POLR3GL: variants seen among roughly 807,000 people sequenced by gnomAD.
POLR3GL encodes the protein DNA-directed RNA polymerase III subunit RPC7-like.
A neutral mutation model predicts 32.4 loss-of-function variants in POLR3GL; 26 were observed. The ratio of observed to expected loss-of-function variants is 0.80; its 90% CI spans 0.59 to 1.11. The LOEUF is 1.11. Among genes scored for constraint, POLR3GL ranks in the 50% most tolerant of loss-of-function variants. POLR3GL has a pLI of 0.00. For missense variants in POLR3GL, 229 were observed against 280.1 expected (o/e 0.82, Z 1.30); for synonymous variants, 95 against 98.7 (o/e 0.96, Z 0.22).
At chr1:145,975,045 A>G (rs782393943) in intron 2 of POLR3GL, 54 bp downstream of exon 2, 1 of 1,496,654 alleles carries the variant, frequency 6.7e-7, no homozygotes, top group Non-Finnish European at 8.9e-7. Flanking sequence ...CTGACTGTAC[A>G]TGATTCTGAA....
In POLR3GL at chr1:145,972,008, A is replaced by ACG. The variant is rs1246966441; in HGVS notation, c.-41-2817_-41-2816insCG. On this transcript the variant is annotated intron_variant, in intron 1 of 7. Transcript: ENST00000369314. The stretch of plus-strand genomic sequence containing the variant: ...AAAAAAAATATATATATATATATAT[A>ACG]TATACGTGTGTGTGTGTGTGTGTAT... 4.3e-4 allele frequency among the ~76,000 whole-genome samples: 56 copies of ACG among 130,354 alleles called. 1 individual carries two copies. The highest frequency in any genetic ancestry group is 1.7e-3 in the African/African-American group (50 of 30,088). 85.5% of individuals were successfully genotyped at this position (130,354 alleles called of 152,430 possible).
At position 145,974,968 on chromosome 1, in the gene POLR3GL, C is replaced by T. The variant is rs781952230; in HGVS notation, c.103C>T (p.Leu35=). 1.1e-5 allele frequency: 17 copies of T among 1,520,938 alleles called. No individual in the cohort carries two copies. In the Admixed American group the frequency reaches 1.5e-4, roughly 13 times the overall value. 94.2% of individuals were successfully genotyped at this position (1,520,938 alleles called of 1,614,324 possible). A position where few individuals can be genotyped will look rare whatever the true frequency, so the allele number is the denominator to read the frequency against. Residue 35 remains leucine (L), a synonymous_variant, in exon 2 of 8, where the codon CTG becomes TTG. Transcript: ENST00000369314. ...GKGDALPPPT[L]QPSPLFPPLE... ...AGGGGATGCTTTGCCCCCACCCACCCTGCAGCCTTCTCCACTCTTCCCTGT... is the reference window on the plus strand; with the variant it reads ...AGGGGATGCTTTGCCCCCACCCACCTTGCAGCCTTCTCCACTCTTCCCTGT...
In POLR3GL at chr1:145,978,612, C is replaced by G; in HGVS notation, c.*165C>G. The G allele has an allele frequency of 1.6e-6, 1 of 634,174 alleles. No homozygotes were observed. Among genetic ancestry groups the G allele is most frequent in the East Asian group, 2.6e-5 (1 of 38,280 alleles). The allele number at this position is 634,174 out of a possible 1,614,324, so 39.3% of individuals were successfully genotyped here. On this transcript the variant is annotated 3_prime_UTR_variant, in exon 8 of 8. Coordinates refer to ENST00000369314, the MANE Select transcript of POLR3GL (RefSeq NM_032305.3). ...TGACAGTTTATTTTCTACACTTCCC[C>G]TCCTTCCACATTTGTATCACCTTTG...
At chr1:145,970,944 G>T (rs1350537740) in intron 1 of POLR3GL, among the ~76,000 whole-genome samples, 1 of 141,362 alleles carries the variant, frequency 7.1e-6, no homozygotes, top group African/African-American at 2.6e-5. Context: ...CTAGCACTTT[G>T]GGAGGCCGAG....
At position 145,972,755 on chromosome 1, in the gene POLR3GL, A is replaced by T. The variant is rs587751644; in HGVS notation, c.-41-2070A>T. ...TACTCTGCCACCCAGGTTGGAGTGC[A>T]AGTGGTGCAATCATAACATTGCAGC... is the stretch of plus-strand genomic sequence containing the variant. On this transcript the variant is annotated intron_variant, in intron 1 of 7. Coordinates refer to ENST00000369314, the MANE Select transcript of POLR3GL (RefSeq NM_032305.3). Among the ~76,000 whole-genome samples, 26 of 151,982 alleles carry T rather than the reference A, an allele frequency of 1.7e-4. No individual in the cohort carries two copies. The South Asian group carries it at 5.4e-3, about 32-fold the overall frequency.
At position 145,974,015 on chromosome 1, in the gene POLR3GL, C is replaced by G. The variant is rs1379124709; in HGVS notation, c.-41-810C>G. Among the ~76,000 whole-genome samples the G allele has an allele frequency of 2.1e-4, 32 of 151,174 alleles. 1 individual carries two copies. The highest frequency in any genetic ancestry group is 1.8e-3 in the Admixed American group (27 of 15,150). ...GGCATGGTGGCACACACCTGTAGCT[C>G]CAGCTACTTGGGAGGCTAAGGCAGG... On this transcript the variant is annotated intron_variant, in intron 1 of 7. Coordinates refer to ENST00000369314, the MANE Select transcript of POLR3GL (RefSeq NM_032305.3).
intron 1 of POLR3GL, among the ~76,000 whole-genome samples, chr1:145,965,768 T>G (rs1649990601): frequency 6.6e-6 from 1 of 152,232 alleles, no homozygotes; most frequent in Admixed American, 6.5e-5. Flanking sequence ...CTACAAATAT[T>G]CTAAATAAGA....
At chr1:145,974,787 A>G in intron 1 of POLR3GL, 38 bp from the exon 2 acceptor site, 3 of 1,335,774 alleles carry the variant, frequency 2.2e-6, no homozygotes, top group Non-Finnish European at 2.0e-6. Flanking sequence ...TGTCCATTCT[A>G]CTACATTTCT....
Position 145,978,369 on chromosome 1 carries a change from T to A in POLR3GL, c.579T>A (p.Asp193Glu), listed in dbSNP as rs1553763870. The change falls in exon 8 of 8, where the codon GAT becomes GAA. Residue 193 changes from aspartate to glutamate, a missense_variant. Coordinates refer to ENST00000369314, the MANE Select transcript of POLR3GL (RefSeq NM_032305.3). Reference sequence around the variant, plus strand: ...TTTTTTTTCCATTTCAGGAAACTGATTACATCATGTCATATTTTGACAATG... The same window carrying A: ...TTTTTTTTCCATTTCAGGAAACTGAATACATCATGTCATATTTTGACAATG... The part of the protein sequence containing the change: ...YDEEEHEEET[D>E]YIMSYFDNGE... The A allele has an allele frequency of 1.2e-6, 2 of 1,604,772 alleles. No homozygotes were observed. The highest frequency in any genetic ancestry group is 1.7e-6 in the Non-Finnish European group (2 of 1,171,900).
intron 1 of POLR3GL, among the ~76,000 whole-genome samples, chr1:145,967,962 A>G (rs1454885498): frequency 6.6e-6 from 1 of 152,240 alleles, no homozygotes; most frequent in Non-Finnish European, 1.5e-5. Context: ...TAGCTAGGAA[A>G]TTGAACTGGG....
chr1:145,977,014 G>A, intron 3 of POLR3GL, 70 bp from the exon 4 acceptor site: 1 of 1,273,746 alleles, frequency 7.9e-7, no homozygotes, highest in Non-Finnish European at 1.1e-6. Context: ...TATTGAGAGG[G>A]CTGGACTCTC....
intron 5 of POLR3GL, 68 bp from the exon 6 acceptor site, chr1:145,977,710 C>A: frequency 6.9e-7 from 1 of 1,452,048 alleles, no homozygotes; most frequent in Non-Finnish European, 9.7e-7. Flanking sequence ...ATGTTCTTTG[C>A]ATGAGGATGG....
At chr1:145,971,359 C>A (rs1358259995) in intron 1 of POLR3GL, among the ~76,000 whole-genome samples, 1 of 151,918 alleles carries the variant, frequency 6.6e-6, no homozygotes, top group Non-Finnish European at 1.5e-5. Context: ...ATTTAGTTGT[C>A]ACGTCTCCTT....
At chr1:145,975,907 C>T (rs1442525119) in intron 3 of POLR3GL, among the ~76,000 whole-genome samples, 2 of 151,954 alleles carry the variant, frequency 1.3e-5, no homozygotes, top group African/African-American at 4.8e-5. Flanking sequence ...TTTCTTATTC[C>T]CTAGCATACT....
Position 145,972,012 on chromosome 1 carries a change from A to ATATATGTG in POLR3GL, c.-41-2813_-41-2812insTATATGTG, listed in dbSNP as rs782186587. On this transcript the variant is annotated intron_variant, in intron 1 of 7. Coordinates refer to ENST00000369314, the MANE Select transcript of POLR3GL (RefSeq NM_032305.3). Reference sequence around the variant, plus strand: ...AAAATATATATATATATATATATATACGTGTGTGTGTGTGTGTGTATATAT... The same window carrying ATATATGTG: ...AAAATATATATATATATATATATATATATATGTGCGTGTGTGTGTGTGTGTGTATATAT... Among the ~76,000 whole-genome samples, 140 of 112,362 alleles carry ATATATGTG rather than the reference A, an allele frequency of 1.2e-3. 1 individual carries two copies. The highest frequency in any genetic ancestry group is 5.0e-3 in the South Asian group (18 of 3,618). The allele number at this position is 112,362 out of a possible 152,430, so 73.7% of individuals were successfully genotyped here.
At chr1:145,972,012 A>ATATATATATATATATATATATATATGTG (rs782186587) in intron 1 of POLR3GL, among the ~76,000 whole-genome samples, 1 of 112,622 alleles carries the variant, frequency 8.9e-6, no homozygotes, top group African/African-American at 4.1e-5. Context: ...ATATATATAT[A>ATATATATATATATATATATATATATGTG]CGTGTGTGTG....
At chr1:145,977,190 A>T in intron 4 of POLR3GL, 38 bp downstream of exon 4, 1 of 1,537,040 alleles carries the variant, frequency 6.5e-7, no homozygotes, top group Non-Finnish European at 9.0e-7. Context: ...CCCTTCTTTC[A>T]AATGCATGGG....
chr1:145,977,205 T>C (rs1650596948), intron 4 of POLR3GL, 53 bp downstream of exon 4: 3 of 1,454,816 alleles, frequency 2.1e-6, no homozygotes, highest in Admixed American at 1.7e-5. Context: ...CATGGGATGC[T>C]TCAAGCTATT....
chr1:145,971,576 C>T (rs1553762680), intron 1 of POLR3GL, among the ~76,000 whole-genome samples: 1 of 152,106 alleles, frequency 6.6e-6, no homozygotes, highest in East Asian at 1.9e-4. Context: ...ATACCGAAAA[C>T]ATGATTTATG....
Sources: gnomAD v4.1 joint callset for allele counts (sites outside exome capture counted in the v4.1 genomes callset) on GRCh38, gnomAD v4.1.1 for gene constraint, MANE v1.5 for transcripts, NCBI Gene and HGNC (gene_info 2026-07-23, HGNC 2026-07-21) for gene names.